IGSF11: variants seen among roughly 807,000 people sequenced by gnomAD.
IGSF11 encodes the protein immunoglobulin superfamily member 11, also known as CXADR like 1.
A neutral mutation model predicts 41.0 loss-of-function variants in IGSF11; 22 were observed. The observed-to-expected ratio is 0.54, with a 90% CI of 0.38 to 0.77. The LOEUF (loss-of-function observed/expected upper bound fraction) is 0.77. Among genes scored for constraint, IGSF11 ranks in the 30% least tolerant of loss-of-function variants. The pLI, the probability that IGSF11 is intolerant of heterozygous loss-of-function variation, is 0.00. For synonymous variants in IGSF11, 219 were observed against 201.3 expected, an observed-to-expected ratio of 1.09 and a Z score of -0.74; for missense variants, 444 against 530.8, an observed-to-expected ratio of 0.84 and a Z score of 1.61.
At chr3:119,131,299 A>G (rs2077477647) in intron 1 of IGSF11, among the ~76,000 whole-genome samples, 1 of 151,996 alleles carries the variant, frequency 6.6e-6, no homozygotes, top group African/African-American at 2.4e-5. Context: ...GAAGCTAAAA[A>G]CCTTGAAAAA....
intron 1 of IGSF11, among the ~76,000 whole-genome samples, chr3:119,119,349 G>A (rs894583265): frequency 6.6e-6 from 1 of 152,196 alleles, no homozygotes; most frequent in Non-Finnish European, 1.5e-5. Flanking sequence ...AGCAGTCAAA[G>A]AGAGCTTGTG....
intron 1 of IGSF11, among the ~76,000 whole-genome samples, chr3:119,145,096 G>A (rs1346445839): frequency 6.6e-6 from 1 of 152,204 alleles, no homozygotes; most frequent in African/African-American, 2.4e-5. Context: ...TTACTTCAGT[G>A]TGCTTAGATT....
intron 1 of IGSF11, among the ~76,000 whole-genome samples, chr3:119,041,683 T>C (rs553360850): frequency 1.3e-5 from 2 of 152,268 alleles, no homozygotes; most frequent in African/African-American, 4.8e-5. Flanking sequence ...TGCCAAAAAA[T>C]CTGAAAATTT....
intron 4 of IGSF11, among the ~76,000 whole-genome samples, chr3:118,919,392 T>C (rs1359666998): frequency 9.6e-6 from 1 of 103,974 alleles, no homozygotes; most frequent in Admixed American, 1.0e-4. Flanking sequence ...GAATCTACAA[T>C]GAACTCAAAC....
intron 1 of IGSF11, among the ~76,000 whole-genome samples, chr3:119,060,118 C>T (rs1028728332): frequency 1.3e-5 from 2 of 152,106 alleles, no homozygotes; most frequent in African/African-American, 4.8e-5. Flanking sequence ...TTAGACTTCC[C>T]GTCTTTTCTA....
At chr3:119,045,423 T>C (rs183227509) in intron 1 of IGSF11, among the ~76,000 whole-genome samples, 1 of 152,354 alleles carries the variant, frequency 6.6e-6, no homozygotes, top group Non-Finnish European at 1.5e-5. Context: ...ACCCGAATAC[T>C]GCGCTTTTGC....
At chr3:118,914,538 C>T (rs1306293527) in intron 4 of IGSF11, among the ~76,000 whole-genome samples, 2 of 151,760 alleles carry the variant, frequency 1.3e-5, no homozygotes, top group Non-Finnish European at 2.9e-5. Flanking sequence ...GAATATGGCG[C>T]TTTTCAGACC....
intron 1 of IGSF11, among the ~76,000 whole-genome samples, chr3:119,101,473 C>T (rs1484059825): frequency 1.3e-5 from 2 of 152,098 alleles, no homozygotes; most frequent in African/African-American, 4.8e-5. Context: ...CATCCCATCC[C>T]GCACTCCAGC....
intron 1 of IGSF11, among the ~76,000 whole-genome samples, chr3:119,004,758 T>G (rs551474291): frequency 6.7e-6 from 1 of 150,120 alleles, no homozygotes; most frequent in African/African-American, 2.5e-5. Flanking sequence ...TCAGTTTCCA[T>G]GTAGTTGAGC....
chr3:118,930,547 G>C (rs941815009), intron 1 of IGSF11, among the ~76,000 whole-genome samples: 2 of 152,080 alleles, frequency 1.3e-5, no homozygotes, highest in Admixed American at 1.3e-4. Flanking sequence ...ATTCAAATAC[G>C]ACACAGATGA....
chr3:119,077,356 A>G (rs530170919), intron 1 of IGSF11, among the ~76,000 whole-genome samples: 1 of 152,302 alleles, frequency 6.6e-6, no homozygotes, highest in East Asian at 1.9e-4. Flanking sequence ...AACATGGCAC[A>G]TGTATACATA....
In IGSF11 at chr3:118,995,635, T is replaced by C. The variant is rs538084985; in HGVS notation, c.52+38896A>G. 2.7e-5 allele frequency among the ~76,000 whole-genome samples: 4 copies of C among 149,968 alleles called. 1 individual carries two copies. Among genetic ancestry groups the C allele is most frequent in the African/African-American group, 7.3e-5 (3 of 41,046 alleles). On this transcript the variant is annotated intron_variant, in intron 1 of 6. Coordinates refer to ENST00000393775, the MANE Select transcript of IGSF11 (RefSeq NM_001015887.3). Reference sequence around the variant, plus strand: ...GAATCAAGGATGACTTCCGGGCTTATGGTTTGCTTGTTTATTTATTTATTT... The same window carrying C: ...GAATCAAGGATGACTTCCGGGCTTACGGTTTGCTTGTTTATTTATTTATTT...
At chr3:118,931,954 C>T (rs1279464037) in intron 1 of IGSF11, among the ~76,000 whole-genome samples, 1 of 152,070 alleles carries the variant, frequency 6.6e-6, no homozygotes, top group Non-Finnish European at 1.5e-5. Flanking sequence ...AGGGTGATCT[C>T]GATCTCCTGA....
chr3:118,930,084 G>C, intron 2 of IGSF11, 28 bp downstream of exon 2: 1 of 1,595,042 alleles, frequency 6.3e-7, no homozygotes, highest in Non-Finnish European at 8.5e-7. Context: ...TAACCTTTTA[G>C]AGGTAGCACA....
intron 1 of IGSF11, among the ~76,000 whole-genome samples, chr3:119,003,953 G>C (rs1937187613): frequency 6.6e-6 from 1 of 150,814 alleles, no homozygotes; most frequent in Non-Finnish European, 1.5e-5. Flanking sequence ...GCCCGGCTTT[G>C]GTATCAGAAT....
intron 1 of IGSF11, among the ~76,000 whole-genome samples, chr3:119,119,411 A>G (rs1413342790): frequency 6.6e-6 from 1 of 152,178 alleles, no homozygotes; most frequent in East Asian, 1.9e-4. Flanking sequence ...CTTATTCACT[A>G]TCACAAGAAC....
At chr3:119,041,459 GT>G (rs1941116560) in intron 1 of IGSF11, among the ~76,000 whole-genome samples, 1 of 152,076 alleles carries the variant, frequency 6.6e-6, no homozygotes, top group Non-Finnish European at 1.5e-5. Context: ...ATGCACACCT[GT>G]AATCCCAGCT....
At chr3:119,146,002 A>G (rs1385479591) in exon 1 of IGSF11, 17 of 587,462 alleles carry the variant, frequency 2.9e-5, no homozygotes, top group Non-Finnish European at 5.1e-5. Flanking sequence ...TCGCCTGCAC[A>G]CTGCAGGGTC....
At chr3:119,090,428 G>A (rs2076744855) in intron 1 of IGSF11, among the ~76,000 whole-genome samples, 1 of 152,058 alleles carries the variant, frequency 6.6e-6, no homozygotes, top group South Asian at 2.1e-4. Context: ...TATAGCCAAA[G>A]CAGTCCTAAG....
Sources: allele counts gnomAD v4.1 joint callset (sites outside exome capture counted in the v4.1 genomes callset), GRCh38; gene constraint gnomAD v4.1.1; transcripts MANE v1.5; gene names NCBI Gene and HGNC (gene_info 2026-07-23, HGNC 2026-07-21).